RB1CC1: variants seen among roughly 807,000 people sequenced by gnomAD.
RB1CC1 encodes the protein RB1 inducible coiled-coil 1, also known as RB1-inducible coiled-coil protein 1.
In RB1CC1, 46 loss-of-function variants were observed where a neutral mutation model predicts 177.5. The observed-to-expected ratio is 0.26, with a 90% CI of 0.20 to 0.33. The LOEUF (loss-of-function observed/expected upper bound fraction) is 0.33. Among genes scored for constraint, RB1CC1 ranks in the 10% least tolerant of loss-of-function variants. The pLI is 1.00. For missense variants in RB1CC1, 1,703 were observed against 1,816.3 expected, an observed-to-expected ratio of 0.94 and a Z score of 1.13; for synonymous variants, 666 against 613.6, an observed-to-expected ratio of 1.09 and a Z score of -1.26.
intron 18 of RB1CC1, among the ~76,000 whole-genome samples, chr8:52,640,748 G>T (rs1849505369): frequency 6.6e-6 from 1 of 151,444 alleles, no homozygotes; most frequent in South Asian, 2.1e-4. Context: ...ATGTTTTCTT[G>T]ATTTGCTTAA....
intron 1 of RB1CC1, among the ~76,000 whole-genome samples, chr8:52,689,716 C>T (rs1329423187): frequency 1.3e-5 from 2 of 152,116 alleles, no homozygotes; most frequent in African/African-American, 2.4e-5. Flanking sequence ...CTAAACAAAT[C>T]GAGCTGCTAA....
intron 5 of RB1CC1, among the ~76,000 whole-genome samples, chr8:52,678,821 T>C (rs900346667): frequency 1.3e-5 from 2 of 152,164 alleles, no homozygotes; most frequent in African/African-American, 4.8e-5. Flanking sequence ...AGGTTCTTCT[T>C]CTCCCTGGCT....
intron 7 of RB1CC1, among the ~76,000 whole-genome samples, 155 bp from the exon 8 acceptor site, chr8:52,668,346 G>A (rs1261920030): frequency 6.6e-6 from 1 of 152,152 alleles, no homozygotes; most frequent in African/African-American, 2.4e-5. Context: ...TCATAAGAAG[G>A]TCAAGTACAG....
chr8:52,708,009 C>T (rs560349904), intron 1 of RB1CC1, among the ~76,000 whole-genome samples: 3 of 152,264 alleles, frequency 2.0e-5, no homozygotes, highest in African/African-American at 4.8e-5. Context: ...GAGTCCTTTA[C>T]GGTGCTAGGA....
At position 52,622,485 on chromosome 8, in the gene RB1CC1, A is replaced by G. The variant is rs1264456507; in HGVS notation, c.*1297T>C. 6.6e-6 allele frequency: 1 copy of G among 151,764 alleles called. No individual in the cohort carries two copies. 9.4% of individuals were successfully genotyped at this position (151,764 alleles called of 1,614,324 possible). On this transcript the variant is annotated 3_prime_UTR_variant, in exon 24 of 24. Coordinates refer to ENST00000025008, the MANE Select transcript of RB1CC1 (RefSeq NM_014781.5). ...AAATCATTTGTTCATTTATTCATTA[A>G]CTTGTCAAATTCAGTTTTCTATACA...
intron 15 of RB1CC1, among the ~76,000 whole-genome samples, chr8:52,649,029 A>G (rs1850318753): frequency 6.6e-6 from 1 of 152,208 alleles, no homozygotes; most frequent in African/African-American, 2.4e-5. Context: ...ATGCTACTCA[A>G]AACAGTGTCC....
chr8:52,689,433 A>G (rs1854606896), intron 1 of RB1CC1, among the ~76,000 whole-genome samples: 1 of 152,120 alleles, frequency 6.6e-6, no homozygotes, highest in African/African-American at 2.4e-5. Flanking sequence ...GTCAACCTCC[A>G]TGCTGCCTTC....
chr8:52,692,832 A>G (rs1855020273), intron 1 of RB1CC1, among the ~76,000 whole-genome samples: 1 of 148,780 alleles, frequency 6.7e-6, no homozygotes, highest in South Asian at 2.3e-4. Flanking sequence ...ATGAAGTAAG[A>G]AGAGTGGAAT....
chr8:52,668,029 G>A lies in RB1CC1; in HGVS notation c.1165C>T (p.Leu389Phe), dbSNP rs141959421. 6.2e-6 allele frequency: 10 copies of A among 1,612,754 alleles called. No homozygotes were observed. The highest frequency in any genetic ancestry group is 6.8e-6 in the Non-Finnish European group (8 of 1,179,614). The change falls in exon 8 of 24, where the codon CTT (leucine) becomes TTT (phenylalanine). Residue 389 changes from leucine (L) to phenylalanine (F), a missense_variant. Physicochemically the swap from Leu to Phe is conservative, Grantham distance 22. Coordinates refer to ENST00000025008, the MANE Select transcript of RB1CC1 (RefSeq NM_014781.5). Reference protein sequence around the residue: ...CGRLVNEQKELAQGFLANQKR... With the variant: ...CGRLVNEQKEFAQGFLANQKR... ...AAGTCTAAAATAGGTACCTGAGCAAGCTCTTTCTGTTCATTCACCAGTCGG... is the reference window on the plus strand; with the variant it reads ...AAGTCTAAAATAGGTACCTGAGCAAACTCTTTCTGTTCATTCACCAGTCGG...
chr8:52,684,212 G>C (rs1854034666), intron 3 of RB1CC1, among the ~76,000 whole-genome samples, 199 bp from the exon 4 acceptor site: 2 of 152,018 alleles, frequency 1.3e-5, no homozygotes, highest in African/African-American at 4.8e-5. Context: ...GTAAATAACA[G>C]CAAAAGAATA....
At chr8:52,698,071 T>C (rs146192919) in intron 1 of RB1CC1, among the ~76,000 whole-genome samples, 5,642 of 152,168 alleles carry the variant, frequency 0.037, 140 homozygotes, top group South Asian at 0.065. Flanking sequence ...AATTAAAAAT[T>C]TGATTTATTT....
chr8:52,671,268 G>A (rs985060837), intron 7 of RB1CC1, among the ~76,000 whole-genome samples: 1 of 152,102 alleles, frequency 6.6e-6, no homozygotes, highest in Non-Finnish European at 1.5e-5. Context: ...TAATTTGCCA[G>A]TTGAAAGTAC....
intron 1 of RB1CC1, among the ~76,000 whole-genome samples, chr8:52,690,207 T>A (rs533713975): frequency 6.6e-6 from 1 of 152,356 alleles, no homozygotes; most frequent in Non-Finnish European, 1.5e-5. Flanking sequence ...TCCAAAAGCA[T>A]AGGCTTTATC....
chr8:52,657,676 G>C lies in RB1CC1; in HGVS notation c.2153C>G (p.Ser718Cys). The C allele has an allele frequency of 6.2e-7, 1 of 1,614,104 alleles. No individual in the cohort carries two copies. Among genetic ancestry groups the C allele is most frequent in the South Asian group, 1.1e-5 (1 of 91,084 alleles). The part of the protein sequence containing the change: ...PNIEQTIHQV[S>C]LDLDSLAESP... ...TTCTGCTAATGAATCCAAGTCTAAA[G>C]AAACTTGGTGAATAGTCTGTTCTAT... The change falls in exon 15 of 24, where the codon TCT (serine) becomes TGT (cysteine). Residue 718 changes from serine (S) to cysteine (C), a missense_variant. Physicochemically the swap from Ser to Cys is moderately radical, Grantham distance 112. This residue lies in a region of RB1CC1 where 1,169 missense variants were observed against 1,184.7 expected (regional missense o/e 0.99). Coordinates refer to ENST00000025008, the MANE Select transcript of RB1CC1 (RefSeq NM_014781.5).
chr8:52,657,685 T>A lies in RB1CC1; in HGVS notation c.2144A>T (p.His715Leu). The A allele has an allele frequency of 6.2e-7, 1 of 1,614,136 alleles. No individual in the cohort carries two copies. ...IPHPNIEQTI[H>L]QVSLDLDSLA... ...TGAATCCAAGTCTAAAGAAACTTGG[T>A]GAATAGTCTGTTCTATGTTTGGATG... Residue 715 changes from histidine to leucine, a missense_variant, in exon 15 of 24, where the codon CAC (histidine) becomes CTC (leucine). Transcript: ENST00000025008.
intron 3 of RB1CC1, among the ~76,000 whole-genome samples, chr8:52,684,637 T>A (rs1012128798): frequency 7.2e-5 from 11 of 152,174 alleles, no homozygotes; most frequent in African/African-American, 2.7e-4. Context: ...AATATTAAAT[T>A]TATCTTTTCT....
chr8:52,692,629 A>G (rs887864484), intron 1 of RB1CC1, among the ~76,000 whole-genome samples: 2 of 152,210 alleles, frequency 1.3e-5, no homozygotes, highest in African/African-American at 2.4e-5. Flanking sequence ...ATCACGGGGG[A>G]AAAAAGAACA....
At chr8:52,624,540 C>T in intron 23 of RB1CC1, among the ~76,000 whole-genome samples, 177 bp downstream of exon 23, 1 of 151,866 alleles carries the variant, frequency 6.6e-6, no homozygotes, top group African/African-American at 2.4e-5. Context: ...TCTCTACTAT[C>T]TAAGGGCAGC....
At chr8:52,665,039 C>G (rs1329077994) in intron 8 of RB1CC1, among the ~76,000 whole-genome samples, 2 of 151,752 alleles carry the variant, frequency 1.3e-5, no homozygotes, top group African/African-American at 4.8e-5. Flanking sequence ...AATTGAAAGC[C>G]CTAGTTTATT....
Sources: gnomAD v4.1 joint callset for allele counts (sites outside exome capture counted in the v4.1 genomes callset) on GRCh38, gnomAD v4.1.1 for gene constraint, gnomAD v4.1.1 regional missense constraint, MANE v1.5 for transcripts, NCBI Gene and HGNC (gene_info 2026-07-23, HGNC 2026-07-21) for gene names.